Variants in SLC25A16 observed in about 807,000 individuals in gnomAD.
SLC25A16 encodes mitochondrial coenzyme A transporter SLC25A16.
SLC25A16 carries 39 observed loss-of-function variants against 41.5 expected under a neutral mutation model. The ratio of observed to expected loss-of-function variants is 0.94; its 90% CI spans 0.73 to 1.23. The LOEUF (loss-of-function observed/expected upper bound fraction) is 1.23, where lower values mean the gene tolerates loss of function less well. SLC25A16 is among the 50% of genes most tolerant of loss of function. The pLI is 0.00. For missense variants in SLC25A16, 421 were observed against 426.9 expected (o/e 0.99, Z 0.12); for synonymous variants, 146 against 147.8 (o/e 0.99, Z 0.09).
intron 1 of SLC25A16, among the ~76,000 whole-genome samples, chr10:68,520,193 G>A (rs1277185740): frequency 2.0e-5 from 3 of 151,014 alleles, no homozygotes; most frequent in Non-Finnish European, 2.9e-5. Context: ...TCCTGATCTC[G>A]TCATCCACCC....
rs909944657 is a variant in SLC25A16, at chr10:68,486,978, A to T, written c.842+166T>A. ...TCTCAAAAAAAAAAAAAAAAAAAAA[A>T]AAAAGAACCTGATTGCCTGATTGTA... On this transcript the variant is annotated intron_variant, in intron 8 of 8. Transcript: ENST00000609923. 168 of 412,936 alleles carry T rather than the reference A, an allele frequency of 4.1e-4. 1 individual carries two copies. Among genetic ancestry groups the T allele is most frequent in the African/African-American group, 3.4e-3 (161 of 46,802 alleles). The allele number at this position is 412,936 out of a possible 1,614,324, so 25.6% of individuals were successfully genotyped here. A position where few individuals can be genotyped will look rare whatever the true frequency, so the allele number is the denominator to read the frequency against.
intron 1 of SLC25A16, among the ~76,000 whole-genome samples, chr10:68,520,430 T>C (rs2488042): frequency 0.99 from 151,329 of 152,260 alleles, 75,207 homozygotes; most frequent in Middle Eastern, 1. Context: ...AATCCCAGCA[T>C]TTTGGGAGGC....
chr10:68,483,286 A>G lies in SLC25A16; in HGVS notation c.*146T>C. 1.7e-6 allele frequency: 1 copy of G among 573,552 alleles called. No individual in the cohort carries two copies. The highest frequency in any genetic ancestry group is 3.0e-6 in the Non-Finnish European group (1 of 331,568). The allele number at this position is 573,552 out of a possible 1,614,324, so 35.5% of individuals were successfully genotyped here. The stretch of plus-strand genomic sequence containing the variant: ...GGTAAGCAGTTCTGATTTGTGACTA[A>G]AGAAAAAATAATCAAGTACTAAAAT... On this transcript the variant is annotated 3_prime_UTR_variant, in exon 9 of 9. Transcript: ENST00000609923.
intron 2 of SLC25A16, among the ~76,000 whole-genome samples, chr10:68,514,219 G>A (rs907662205): frequency 2.4e-4 from 36 of 152,026 alleles, no homozygotes; most frequent in African/African-American, 7.7e-4. Context: ...ATAATAGGCC[G>A]GGCACAGTGG....
At chr10:68,506,556 C>A in intron 3 of SLC25A16, 29 bp downstream of exon 3, 1 of 1,511,564 alleles carries the variant, frequency 6.6e-7, no homozygotes, top group Non-Finnish European at 8.9e-7. Context: ...TTCAAGAACG[C>A]AAAAGAGAAA....
At chr10:68,517,192 C>T (rs949769709) in intron 1 of SLC25A16, 2 of 1,002,986 alleles carry the variant, frequency 2.0e-6, no homozygotes, top group African/African-American at 1.7e-5. Context: ...TCTTCTGGAA[C>T]ATTTTTACGG....
At chr10:68,520,227 GATTACAGGC>G (rs1564929925) in intron 1 of SLC25A16, among the ~76,000 whole-genome samples, 1 of 151,876 alleles carries the variant, frequency 6.6e-6, no homozygotes, top group Non-Finnish European at 1.5e-5. Context: ...AAAGTACTGG[GATTACAGGC>G]ATGAGCCACC....
chr10:68,490,532 G>A (rs1277891399), intron 6 of SLC25A16, among the ~76,000 whole-genome samples: 3 of 151,828 alleles, frequency 2.0e-5, no homozygotes, highest in Non-Finnish European at 4.4e-5. Context: ...TAGTAGAGAT[G>A]GCGTTTCATC....
chr10:68,491,530 G>A (rs12217591), intron 6 of SLC25A16, among the ~76,000 whole-genome samples: 24,368 of 151,724 alleles, frequency 0.16, 2,119 homozygotes, highest in South Asian at 0.26. Context: ...GGCCCTTGTT[G>A]TTGCTTTTTT....
intron 4 of SLC25A16, chr10:68,496,329 C>T: frequency 5.1e-6 from 1 of 195,148 alleles, no homozygotes; most frequent in Non-Finnish European, 9.3e-6. Context: ...CCCATTGGGC[C>T]TCTTTTCTCC....
At chr10:68,487,071 G>C in intron 8 of SLC25A16, 73 bp downstream of exon 8, 1 of 1,110,712 alleles carries the variant, frequency 9.0e-7, no homozygotes, top group Non-Finnish European at 1.3e-6. Flanking sequence ...GGTCAAACTA[G>C]AGTCCTATCT....
chr10:68,517,136 A>C, intron 1 of SLC25A16: 1 of 1,069,660 alleles, frequency 9.3e-7, no homozygotes, highest in Non-Finnish European at 1.1e-6. Context: ...CAGACACTTC[A>C]AGGTATTAAT....
intron 7 of SLC25A16, among the ~76,000 whole-genome samples, chr10:68,487,718 A>G (rs1305156485): frequency 6.6e-6 from 1 of 152,188 alleles, no homozygotes; most frequent in African/African-American, 2.4e-5. Context: ...TGGTAAAATC[A>G]ACCCCAGTAG....
At chr10:68,489,946 TA>T (rs2052629584) in intron 6 of SLC25A16, among the ~76,000 whole-genome samples, 1 of 150,782 alleles carries the variant, frequency 6.6e-6, no homozygotes, top group African/African-American at 2.4e-5. Context: ...GGATTTCTCT[TA>T]CCAAATATAA....
rs2052484793 is a variant in SLC25A16 at position 68,481,626 on chromosome 10, T to C, written c.*1806A>G. The stretch of plus-strand genomic sequence containing the variant: ...CAACTTAGTTTTCTAATGTCTCCTT[T>C]TTTTTGAGATGGAGGCTCATTCTGT... On this transcript the variant is annotated 3_prime_UTR_variant, in exon 9 of 9. Transcript: ENST00000609923. The C allele has an allele frequency of 6.6e-6, 1 of 151,590 alleles. No homozygotes were observed. Among genetic ancestry groups the C allele is most frequent in the Non-Finnish European group, 1.5e-5 (1 of 67,956 alleles). The allele number at this position is 151,590 out of a possible 1,614,324, so 9.4% of individuals were successfully genotyped here.
chr10:68,497,856 C>T (rs1462432961), intron 4 of SLC25A16, among the ~76,000 whole-genome samples: 9 of 151,788 alleles, frequency 5.9e-5, no homozygotes, highest in African/African-American at 2.2e-4. Context: ...ACCTCATGAT[C>T]CACCCCAGCT....
At chr10:68,518,462 T>C (rs967878646) in intron 1 of SLC25A16, among the ~76,000 whole-genome samples, 1 of 150,838 alleles carries the variant, frequency 6.6e-6, no homozygotes, top group African/African-American at 2.4e-5. Flanking sequence ...ATTTTAAAAA[T>C]CCATATTCTG....
intron 1 of SLC25A16, among the ~76,000 whole-genome samples, chr10:68,519,467 CAG>C (rs2053215601): frequency 6.9e-6 from 1 of 144,954 alleles, no homozygotes; most frequent in Admixed American, 7.1e-5. Context: ...GCCTGGGTGA[CAG>C]AGTGAGACTC....
At chr10:68,520,124 C>T (rs1195028531) in intron 1 of SLC25A16, among the ~76,000 whole-genome samples, 1 of 150,730 alleles carries the variant, frequency 6.6e-6, no homozygotes, top group African/African-American at 2.4e-5. Context: ...CTAATTTTTT[C>T]TTTTTTTAGT....
Sources: gnomAD v4.1 joint callset for allele counts (sites outside exome capture counted in the v4.1 genomes callset) on GRCh38, gnomAD v4.1.1 for gene constraint, MANE v1.5 for transcripts, NCBI Gene and HGNC (gene_info 2026-07-23, HGNC 2026-07-21) for gene names.